SLC66A3: variants seen among roughly 807,000 people sequenced by gnomAD.
SLC66A3 encodes the protein solute carrier family 66 member 3.
A neutral mutation model predicts 25.5 loss-of-function variants in SLC66A3; 23 were observed. The observed-to-expected ratio is 0.90, with a 90% CI of 0.65 to 1.28. SLC66A3 has a LOEUF of 1.28. Among genes scored for constraint, SLC66A3 ranks in the 50% most tolerant of loss-of-function variants. SLC66A3 has a pLI of 0.00. For synonymous variants in SLC66A3, 108 were observed against 112.6 expected (o/e 0.96, Z 0.26); for missense variants, 246 against 262.1 (o/e 0.94, Z 0.42).
At chr2:11,171,759 G>A (rs1440531173) in intron 4 of SLC66A3, among the ~76,000 whole-genome samples, 166 bp from the exon 5 acceptor site, 6 of 151,972 alleles carry the variant, frequency 3.9e-5, no homozygotes, top group African/African-American at 1.2e-4. Context: ...TAGTAGAGAC[G>A]GTGTTTCACC....
At chr2:11,168,917 G>A (rs964932887) in intron 4 of SLC66A3, among the ~76,000 whole-genome samples, 1 of 152,030 alleles carries the variant, frequency 6.6e-6, no homozygotes, top group Non-Finnish European at 1.5e-5. Flanking sequence ...GAGTGCAGTG[G>A]TGTGATCTCG....
chr2:11,175,062 C>A, intron 6 of SLC66A3, 53 bp downstream of exon 6: 3 of 1,371,854 alleles, frequency 2.2e-6, no homozygotes, highest in Non-Finnish European at 3.1e-6. Flanking sequence ...ATTTGTGTCT[C>A]CTTCATTTGT....
At chr2:11,173,932 A>C (rs1179812833) in intron 5 of SLC66A3, among the ~76,000 whole-genome samples, 1 of 152,206 alleles carries the variant, frequency 6.6e-6, no homozygotes, top group African/African-American at 2.4e-5. Context: ...AAATGCAAGG[A>C]TAGAAACCAG....
intron 1 of SLC66A3, among the ~76,000 whole-genome samples, chr2:11,157,871 C>G (rs990294840): frequency 6.6e-6 from 1 of 152,208 alleles, no homozygotes; most frequent in African/African-American, 2.4e-5. Flanking sequence ...CTCCAGGGCT[C>G]TGCTGGGCTC....
chr2:11,169,835 C>G (rs1392055200), intron 4 of SLC66A3, among the ~76,000 whole-genome samples: 1 of 85,104 alleles, frequency 1.2e-5, no homozygotes. Context: ...CTGGATTTCT[C>G]TCTTTTTTTT....
chr2:11,166,585 G>A (rs985580930), intron 4 of SLC66A3, among the ~76,000 whole-genome samples: 1 of 152,294 alleles, frequency 6.6e-6, no homozygotes, highest in East Asian at 1.9e-4. Context: ...TTTTCAGTAC[G>A]TGTATGTCCA....
intron 4 of SLC66A3, among the ~76,000 whole-genome samples, chr2:11,166,419 A>T (rs1051807410): frequency 3.3e-5 from 5 of 152,172 alleles, no homozygotes; most frequent in African/African-American, 1.2e-4. Flanking sequence ...GTCACAGGGC[A>T]CTGCCTGCCA....
intron 3 of SLC66A3, 37 bp from the exon 4 acceptor site, chr2:11,164,167 G>A: frequency 7.2e-7 from 1 of 1,384,766 alleles, no homozygotes; most frequent in Non-Finnish European, 1.0e-6. Flanking sequence ...GCGCGGATGT[G>A]GGTGACCCAC....
chr2:11,174,198 C>T (rs899687898), intron 5 of SLC66A3, among the ~76,000 whole-genome samples: 1 of 152,012 alleles, frequency 6.6e-6, no homozygotes, highest in African/African-American at 2.4e-5. Context: ...CCTCATGATC[C>T]ACCCGCCTCA....
chr2:11,164,501 C>A (rs1229993435), intron 4 of SLC66A3, among the ~76,000 whole-genome samples: 2 of 61,790 alleles, frequency 3.2e-5, no homozygotes, highest in Non-Finnish European at 6.0e-5. Context: ...GCCACCACAC[C>A]CAGCTAATTT....
rs375514732 is a variant in SLC66A3 at position 11,160,733 on chromosome 2, A to G, written c.296+39A>G. The G allele has an allele frequency of 1.7e-3, 2,700 of 1,608,258 alleles. 6 individuals are homozygous for G. The highest frequency in any genetic ancestry group is 2.2e-3 in the Middle Eastern group (13 of 6,042). ...ATCTGAGCCAGAAGTGGGAACGGGGATGTTATTTGTGAATGGTATGCATTG... is the reference window on the plus strand; with the variant it reads ...ATCTGAGCCAGAAGTGGGAACGGGGGTGTTATTTGTGAATGGTATGCATTG... On this transcript the variant is annotated intron_variant, in intron 3 of 6. Transcript: ENST00000295083.
chr2:11,169,618 C>T (rs938533791), intron 4 of SLC66A3, among the ~76,000 whole-genome samples: 6 of 152,034 alleles, frequency 3.9e-5, no homozygotes, highest in Admixed American at 1.3e-4. Context: ...CCCTGACTTC[C>T]GTGTTCCCAG....
chr2:11,175,425 C>T (rs1306691282), intron 6 of SLC66A3, among the ~76,000 whole-genome samples: 2 of 152,108 alleles, frequency 1.3e-5, no homozygotes, highest in Admixed American at 1.3e-4. Flanking sequence ...AGAGGTTTAG[C>T]CAGAGGAAAG....
At chr2:11,161,324 G>C (rs1662123116) in intron 3 of SLC66A3, among the ~76,000 whole-genome samples, 1 of 151,890 alleles carries the variant, frequency 6.6e-6, no homozygotes, top group African/African-American at 2.4e-5. Context: ...TGTGGCCTAG[G>C]CTGGGTTGCA....
chr2:11,174,913 A>C lies in SLC66A3; in HGVS notation c.476-55A>C, dbSNP rs892002533. ...TAAAAGGGAAAGACATTATTAGCTA[A>C]GCCCCAAAATGTCCGAGAGGCAAGT... is the stretch of plus-strand genomic sequence containing the variant. On this transcript the variant is annotated intron_variant, in intron 5 of 6. Transcript: ENST00000295083. 5 of 1,256,374 alleles carry C rather than the reference A, an allele frequency of 4.0e-6. No homozygotes were observed. In the African/African-American group the frequency reaches 6.0e-5, roughly 15 times the overall value. 77.8% of individuals were successfully genotyped at this position (1,256,374 alleles called of 1,614,324 possible). A position where few individuals can be genotyped will look rare whatever the true frequency, so the allele number is the denominator to read the frequency against.
At chr2:11,163,272 A>G (rs1374197853) in intron 3 of SLC66A3, among the ~76,000 whole-genome samples, 7 of 152,218 alleles carry the variant, frequency 4.6e-5, no homozygotes, top group Non-Finnish European at 8.8e-5. Context: ...GTCAAATTTT[A>G]TAAAATGTAT....
At position 11,177,771 on chromosome 2, in the gene SLC66A3, T is replaced by A. The variant is rs749648511; in HGVS notation, c.552T>A (p.Asn184Lys). ...GTTTTGTGATCATGCTGGCTTTAAA[T>A]ATATGGGTAACAGTGACAGTACTTC... is the stretch of plus-strand genomic sequence containing the variant. Reference protein sequence around the residue: ...LLRFVIMLALNIWVTVTVLRY... With the variant: ...LLRFVIMLALKIWVTVTVLRY... The change falls in exon 7 of 7, where the codon AAT (asparagine) becomes AAA (lysine). Residue 184 changes from asparagine to lysine, a missense_variant. By Grantham distance (94) the Asn-to-Lys change is moderately conservative. This residue lies in a region of SLC66A3 where 93 missense variants were observed against 102.6 expected (regional missense o/e 0.91). Transcript: ENST00000295083. 8 of 1,611,778 alleles carry A rather than the reference T, an allele frequency of 5.0e-6. No homozygotes were observed. The highest frequency in any genetic ancestry group is 6.8e-6 in the Non-Finnish European group (8 of 1,178,806).
Position 11,177,678 on chromosome 2 carries a change from AGGT to A in SLC66A3, c.518-55_518-53del, listed in dbSNP as rs1662808987. 31 of 1,005,542 alleles carry A rather than the reference AGGT, an allele frequency of 3.1e-5. No homozygotes were observed. The South Asian group carries it at 4.2e-4, about 14-fold the overall frequency. 62.3% of individuals were successfully genotyped at this position (1,005,542 alleles called of 1,614,324 possible). On this transcript the variant is annotated intron_variant, in intron 6 of 6. Transcript: ENST00000295083. The stretch of plus-strand genomic sequence containing the variant: ...TATTTAGGCTTATACTTTGAGCAGG[AGGT>A]GGTTTTGGTCTGTATTGTAAAGACA...
chr2:11,162,365 G>A (rs1277342811), intron 3 of SLC66A3, among the ~76,000 whole-genome samples: 1 of 152,210 alleles, frequency 6.6e-6, no homozygotes, highest in East Asian at 1.9e-4. Context: ...TTGGTAAACA[G>A]TACTTTGAAG....
Sources: allele counts gnomAD v4.1 joint callset (sites outside exome capture counted in the v4.1 genomes callset), GRCh38; gene constraint gnomAD v4.1.1; regional missense constraint gnomAD v4.1.1; transcripts MANE v1.5; gene names NCBI Gene and HGNC (gene_info 2026-07-23, HGNC 2026-07-21).